The following ITGAX variants were observed in gnomAD, a reference collection of about 807,000 sequenced individuals.
ITGAX encodes the protein integrin alpha-X.
Under a neutral mutation model 140.2 loss-of-function variants are expected in ITGAX, and 99 were observed. That is an observed-to-expected ratio of 0.71 (90% CI 0.60 to 0.83). The LOEUF (loss-of-function observed/expected upper bound fraction) is 0.83, where lower values mean the gene tolerates loss of function less well. ITGAX is among the 40% of genes least tolerant of loss of function. The pLI is 0.00. For synonymous variants in ITGAX, 631 were observed against 600.4 expected, an observed-to-expected ratio of 1.05 and a Z score of -0.75; for missense variants, 1,444 against 1,482.0, an observed-to-expected ratio of 0.97 and a Z score of 0.42.
intron 14 of ITGAX, among the ~76,000 whole-genome samples, chr16:31,369,137 G>C (rs1258310628): frequency 6.6e-6 from 1 of 151,954 alleles, no homozygotes; most frequent in Non-Finnish European, 1.5e-5. Context: ...CCTCCCAGAC[G>C]GGGTGGTGGC....
intron 14 of ITGAX, among the ~76,000 whole-genome samples, chr16:31,369,065 C>T (rs1257694400): frequency 1.3e-5 from 2 of 152,238 alleles, no homozygotes; most frequent in Non-Finnish European, 2.9e-5. Context: ...CCTTTCCCCC[C>T]TTTCGATTCC....
intron 5 of ITGAX, 53 bp downstream of exon 5, chr16:31,357,417 G>T: frequency 7.7e-6 from 9 of 1,172,520 alleles, no homozygotes; most frequent in Non-Finnish European, 9.9e-6. Context: ...TCCAATTGGG[G>T]GTGCGGTGGG....
chr16:31,362,329 G>C, intron 11 of ITGAX, 125 bp downstream of exon 11: 1 of 1,231,476 alleles, frequency 8.1e-7, no homozygotes, highest in Non-Finnish European at 1.1e-6. Flanking sequence ...TGGGGAGGGA[G>C]GATGGGCACT....
chr16:31,364,045 G>A (rs2080866245), intron 14 of ITGAX, among the ~76,000 whole-genome samples: 1 of 152,038 alleles, frequency 6.6e-6, no homozygotes, highest in Non-Finnish European at 1.5e-5. Context: ...CATCCCTGCA[G>A]CCGCCCTCCA....
At chr16:31,375,105 T>A (rs932947417) in intron 20 of ITGAX, among the ~76,000 whole-genome samples, 24 of 152,192 alleles carry the variant, frequency 1.6e-4, no homozygotes, top group African/African-American at 5.8e-4. Flanking sequence ...AGCCTCTGCC[T>A]CCCGAATTCA....
At chr16:31,369,069 C>T (rs935958586) in intron 14 of ITGAX, among the ~76,000 whole-genome samples, 3 of 152,336 alleles carry the variant, frequency 2.0e-5, no homozygotes, top group Admixed American at 6.5e-5. Context: ...TCCCCCCTTT[C>T]GATTCCACAA....
intron 14 of ITGAX, among the ~76,000 whole-genome samples, chr16:31,369,803 A>G (rs1472462051): frequency 1.3e-5 from 2 of 150,252 alleles, no homozygotes; most frequent in African/African-American, 4.9e-5. Context: ...TTTATTTTTT[A>G]GAGACAGAAT....
intron 19 of ITGAX, among the ~76,000 whole-genome samples, chr16:31,372,914 A>AC (rs1362817028): frequency 1.7e-5 from 2 of 117,624 alleles, no homozygotes; most frequent in Admixed American, 1.7e-4. Context: ...CCACAAAAAC[A>AC]AAACAACAAC....
In ITGAX at chr16:31,359,961, C is replaced by T; in HGVS notation, c.603C>T (p.Phe201=). The T allele has an allele frequency of 1.2e-6, 2 of 1,614,196 alleles. No individual in the cohort carries two copies. Among genetic ancestry groups the T allele is most frequent in the Non-Finnish European group, 8.5e-7 (1 of 1,180,042 alleles). ...MQFSNKFQTH[F]TFEEFRRSSN... The stretch of plus-strand genomic sequence containing the variant: ...TCTCCAACAAATTCCAAACACACTT[C>T]ACTTTCGAGGAATTCAGGCGCAGCT... Residue 201 remains phenylalanine (F), a synonymous_variant, in exon 7 of 30, where the codon TTC becomes TTT. Transcript: ENST00000268296.
intron 14 of ITGAX, among the ~76,000 whole-genome samples, chr16:31,364,853 C>A (rs375677773): frequency 0.04 from 4,262 of 106,124 alleles, 102 homozygotes; most frequent in Middle Eastern, 0.062. Flanking sequence ...ACTAAAAATA[C>A]AAAAAAAAAA....
intron 14 of ITGAX, among the ~76,000 whole-genome samples, chr16:31,368,034 T>C (rs8046381): frequency 0.93 from 141,177 of 152,190 alleles, 65,529 homozygotes; most frequent in East Asian, 0.99. Flanking sequence ...GAGGAAGTGA[T>C]TGCGGATGTG....
intron 14 of ITGAX, among the ~76,000 whole-genome samples, chr16:31,369,102 C>T (rs984780839): frequency 3.3e-5 from 5 of 152,222 alleles, no homozygotes; most frequent in South Asian, 2.1e-4. Context: ...CATCATGGCC[C>T]GTTCTCAATG....
intron 15 of ITGAX, 58 bp from the exon 16 acceptor site, chr16:31,371,276 C>T (rs1414241846): frequency 4.4e-6 from 7 of 1,607,666 alleles, no homozygotes; most frequent in Admixed American, 1.7e-5. Context: ...GGGTGCCCAC[C>T]CCACGTGGTG....
chr16:31,363,834 T>C (rs2080864339), intron 14 of ITGAX, among the ~76,000 whole-genome samples: 1 of 152,120 alleles, frequency 6.6e-6, no homozygotes, highest in Non-Finnish European at 1.5e-5. Context: ...AGGGCCTTGG[T>C]TTGTTGGAGG....
intron 5 of ITGAX, 115 bp downstream of exon 5, chr16:31,357,479 G>A (rs1483317787): frequency 2.9e-6 from 2 of 680,692 alleles, no homozygotes; most frequent in East Asian, 2.8e-5. Context: ...TGGAAAAAGA[G>A]TTACCACGTG....
chr16:31,372,256 G>C, intron 17 of ITGAX, 122 bp from the exon 18 acceptor site: 1 of 1,133,968 alleles, frequency 8.8e-7, no homozygotes, highest in Non-Finnish European at 1.2e-6. Context: ...CGCTGAGCAG[G>C]CTCTGGAGGA....
In ITGAX at chr16:31,377,662, G is replaced by T. The variant is rs563676405; in HGVS notation, c.2789+397G>T. Reference sequence around the variant, plus strand: ...GCACGCTCTGAGCTCGTGTGCTGGGGTGTGCCCCAGGCTCTCATACCCCTT... The same window carrying T: ...GCACGCTCTGAGCTCGTGTGCTGGGTTGTGCCCCAGGCTCTCATACCCCTT... On this transcript the variant is annotated intron_variant, in intron 23 of 29. Transcript: ENST00000268296. Among the ~76,000 whole-genome samples, 6 of 152,338 alleles carry T rather than the reference G, an allele frequency of 3.9e-5. No homozygotes were observed. The East Asian group carries it at 1.2e-3, about 29-fold the overall frequency.
chr16:31,355,187 C>G lies in ITGAX; in HGVS notation c.-68C>G. ...CCACCTCTCTGCCCACTTGCTTCCT[C>G]AGTACCTTGGTCCAGCTCTTCCTGC... On this transcript the variant is annotated 5_prime_UTR_variant, in exon 1 of 30. Coordinates refer to ENST00000268296, the MANE Select transcript of ITGAX (RefSeq NM_000887.5). The G allele has an allele frequency of 6.4e-7, 1 of 1,569,476 alleles. No individual in the cohort carries two copies. Among genetic ancestry groups the G allele is most frequent in the South Asian group, 1.1e-5 (1 of 89,406 alleles).
rs2081083121 is a variant in ITGAX at position 31,382,970 on chromosome 16, AG to A, written c.*1065del. On this transcript the variant is annotated 3_prime_UTR_variant, in exon 30 of 30. Coordinates refer to ENST00000268296, the MANE Select transcript of ITGAX (RefSeq NM_000887.5). Reference sequence around the variant, plus strand: ...CTACCGCTCTTGGGAAATATGTCAAAGGTCTAAAAATAAAAAAGCCTTCTGT... The same window carrying A: ...CTACCGCTCTTGGGAAATATGTCAAAGTCTAAAAATAAAAAAGCCTTCTGT... The A allele has an allele frequency of 6.2e-6, 1 of 162,458 alleles. No individual in the cohort carries two copies. The highest frequency in any genetic ancestry group is 2.4e-5 in the African/African-American group (1 of 41,588). 10.1% of individuals were successfully genotyped at this position (162,458 alleles called of 1,614,324 possible).
Sources: allele counts gnomAD v4.1 joint callset (sites outside exome capture counted in the v4.1 genomes callset), GRCh38; gene constraint gnomAD v4.1.1; transcripts MANE v1.5; gene names NCBI Gene and HGNC (gene_info 2026-07-23, HGNC 2026-07-21).